Variants in CNOT4 observed in about 807,000 individuals in gnomAD.
CNOT4 encodes CCR4-NOT transcription complex subunit 4, also known as CCR4-associated factor 4.
In CNOT4, 8 loss-of-function variants were observed where a neutral mutation model predicts 73.8. The observed-to-expected ratio is 0.11, with a 90% confidence interval of 0.06 to 0.20. The LOEUF (loss-of-function observed/expected upper bound fraction) is 0.20. CNOT4 is among the 10% of genes least tolerant of loss of function. The probability of loss-of-function intolerance (pLI) is 1.00; values close to 1 mark genes in which losing one functional copy is unlikely to be tolerated. For synonymous variants in CNOT4, 293 were observed against 321.1 expected (o/e 0.91, Z 0.94); for missense variants, 564 against 883.4 (o/e 0.64, Z 4.58).
At chr7:135,404,372 A>G (rs1163086712) in intron 7 of CNOT4, among the ~76,000 whole-genome samples, 1 of 152,094 alleles carries the variant, frequency 6.6e-6, no homozygotes, top group East Asian at 1.9e-4. Flanking sequence ...CCTCTAATCT[A>G]TCTAGAAGTA....
intron 1 of CNOT4, among the ~76,000 whole-genome samples, chr7:135,472,885 C>T (rs780971587): frequency 6.6e-6 from 1 of 151,592 alleles, no homozygotes; most frequent in Non-Finnish European, 1.5e-5. Flanking sequence ...ATAAAAAAAC[C>T]AAAAGATTAG....
intron 1 of CNOT4, among the ~76,000 whole-genome samples, chr7:135,489,521 G>A (rs1037018671): frequency 1.3e-5 from 2 of 148,950 alleles, no homozygotes; most frequent in South Asian, 4.3e-4. Context: ...TCAGCCTCCC[G>A]AGTAGCTGGG....
At chr7:135,426,844 AC>A (rs1798533527) in intron 2 of CNOT4, among the ~76,000 whole-genome samples, 1 of 150,242 alleles carries the variant, frequency 6.7e-6, no homozygotes, top group Admixed American at 6.7e-5. Flanking sequence ...AATCGCTTGA[AC>A]CCGGGAGATG....
intron 1 of CNOT4, among the ~76,000 whole-genome samples, chr7:135,456,637 C>A (rs537096253): frequency 6.6e-6 from 1 of 152,084 alleles, no homozygotes; most frequent in African/African-American, 2.4e-5. Context: ...TTGCATATTA[C>A]ATATGCAATC....
intron 1 of CNOT4, among the ~76,000 whole-genome samples, chr7:135,496,726 T>C (rs1438831247): frequency 2.0e-5 from 3 of 152,090 alleles, no homozygotes; most frequent in African/African-American, 4.8e-5. Flanking sequence ...TTACCTCTCC[T>C]ACTGTTCTTA....
At chr7:135,472,434 G>A (rs1233436524) in intron 1 of CNOT4, among the ~76,000 whole-genome samples, 1 of 119,166 alleles carries the variant, frequency 8.4e-6, no homozygotes, top group East Asian at 2.9e-4. Flanking sequence ...CAGAGATCAT[G>A]CCACTGCACT....
intron 3 of CNOT4, among the ~76,000 whole-genome samples, chr7:135,417,259 T>C (rs1242174558): frequency 6.6e-6 from 1 of 152,156 alleles, no homozygotes; most frequent in African/African-American, 2.4e-5. Flanking sequence ...GCTGAAGAGT[T>C]TGCCTAATAA....
At chr7:135,440,003 T>C (rs1799379759) in intron 1 of CNOT4, among the ~76,000 whole-genome samples, 2 of 151,374 alleles carry the variant, frequency 1.3e-5, no homozygotes, top group Admixed American at 6.6e-5. Flanking sequence ...AAAAAACAGA[T>C]TTTTTTAAAA....
chr7:135,444,919 T>A, intron 1 of CNOT4: 1 of 1,599,220 alleles, frequency 6.3e-7, no homozygotes, highest in South Asian at 1.1e-5. Flanking sequence ...GTTGCCATGC[T>A]GTGGAAGCTC....
chr7:135,387,868 T>G, intron 10 of CNOT4: 1 of 970,430 alleles, frequency 1.0e-6, no homozygotes, highest in Non-Finnish European at 1.2e-6. Flanking sequence ...ATCCAATCTC[T>G]TCTCTTCTGC....
chr7:135,488,928 T>C (rs1426963753), intron 1 of CNOT4, among the ~76,000 whole-genome samples: 3 of 151,946 alleles, frequency 2.0e-5, no homozygotes, highest in Non-Finnish European at 4.4e-5. Flanking sequence ...GTCAAAGAGT[T>C]TTTAAAAAAA....
At chr7:135,395,952 T>C (rs1053872459) in intron 8 of CNOT4, 69 bp from the exon 9 acceptor site, 10 of 1,100,904 alleles carry the variant, frequency 9.1e-6, no homozygotes, top group Admixed American at 5.9e-5. Flanking sequence ...ATTAAAAAGT[T>C]TGCAACTAAA....
intron 1 of CNOT4, among the ~76,000 whole-genome samples, chr7:135,475,300 A>T (rs555191025): frequency 6.6e-6 from 1 of 152,214 alleles, no homozygotes; most frequent in Non-Finnish European, 1.5e-5. Context: ...AGATATTCTG[A>T]GACTCAAGGA....
At chr7:135,404,100 C>T (rs1314633121) in intron 7 of CNOT4, among the ~76,000 whole-genome samples, 1 of 152,168 alleles carries the variant, frequency 6.6e-6, no homozygotes, top group Non-Finnish European at 1.5e-5. Flanking sequence ...CAAGATATCC[C>T]AGTTCACTTA....
At chr7:135,387,417 T>C in intron 10 of CNOT4, 2 of 983,698 alleles carry the variant, frequency 2.0e-6, no homozygotes, top group Non-Finnish European at 2.4e-6. Flanking sequence ...CAGAAAATAA[T>C]CCAATTTTAT....
intron 1 of CNOT4, among the ~76,000 whole-genome samples, chr7:135,487,913 C>T (rs898898905): frequency 3.3e-5 from 5 of 151,730 alleles, no homozygotes; most frequent in African/African-American, 9.7e-5. Context: ...CAAAATTAGC[C>T]GGGCATGGTG....
intron 4 of CNOT4, among the ~76,000 whole-genome samples, chr7:135,414,685 T>C (rs1421089904): frequency 6.6e-6 from 1 of 152,110 alleles, no homozygotes; most frequent in African/African-American, 2.4e-5. Flanking sequence ...GCTTGGGATT[T>C]ATTTTTTTAG....
At chr7:135,410,981 G>A (rs1157753469) in intron 6 of CNOT4, among the ~76,000 whole-genome samples, 1 of 151,780 alleles carries the variant, frequency 6.6e-6, no homozygotes, top group Admixed American at 6.6e-5. Context: ...AAAAGTGTAA[G>A]GTCCACTTTA....
intron 7 of CNOT4, among the ~76,000 whole-genome samples, chr7:135,399,999 C>T (rs1796917980): frequency 6.6e-6 from 1 of 151,888 alleles, no homozygotes; most frequent in South Asian, 2.1e-4. Flanking sequence ...AAAACAATGC[C>T]ATAAATCTTA....
Sources: allele counts gnomAD v4.1 joint callset (sites outside exome capture counted in the v4.1 genomes callset), GRCh38; gene constraint gnomAD v4.1.1; transcripts MANE v1.5; gene names NCBI Gene and HGNC (gene_info 2026-07-23, HGNC 2026-07-21).